Variants in ST6GAL1 observed in about 807,000 individuals in gnomAD.
ST6GAL1 encodes the protein ST6 beta-galactoside alpha-2,6-sialyltransferase 1.
ST6GAL1 carries 20 observed loss-of-function variants against 38.0 expected under a neutral mutation model. That is an observed-to-expected ratio of 0.53 (90% CI 0.37 to 0.77). ST6GAL1 has a LOEUF of 0.77. ST6GAL1 is among the 30% of genes least tolerant of loss of function. The probability of loss-of-function intolerance (pLI) is 0.00; values close to 1 mark genes in which losing one functional copy is unlikely to be tolerated. For missense variants in ST6GAL1, 432 were observed against 496.4 expected, an observed-to-expected ratio of 0.87 and a Z score of 1.23; for synonymous variants, 196 against 188.2, an observed-to-expected ratio of 1.04 and a Z score of -0.34.
intron 1 of ST6GAL1, among the ~76,000 whole-genome samples, chr3:186,938,232 A>T (rs1714033717): frequency 6.6e-6 from 1 of 152,226 alleles, no homozygotes; most frequent in African/African-American, 2.4e-5. Flanking sequence ...AATTACCTAT[A>T]AAGTCTTAAA....
Position 187,058,351 on chromosome 3 carries a change from A to T in ST6GAL1, c.705+7005A>T, listed in dbSNP as rs116816232. On this transcript the variant is annotated intron_variant, in intron 5 of 7. Transcript: ENST00000169298. ...TATGAACCAGGTACGTCAGTTGGAA[A>T]AGCAGAAATCACCCGTCTTGTTTGT... Among the ~76,000 whole-genome samples the T allele has an allele frequency of 2.9e-3, 447 of 152,248 alleles. 3 individuals are homozygous for T. The highest frequency in any genetic ancestry group is 0.01 in the African/African-American group (433 of 41,526).
intron 6 of ST6GAL1, among the ~76,000 whole-genome samples, 174 bp downstream of exon 6, chr3:187,073,121 C>T (rs897847035): frequency 4.6e-5 from 7 of 152,196 alleles, no homozygotes; most frequent in Admixed American, 4.6e-4. Flanking sequence ...TATTCCTGTC[C>T]TATACCAGCT....
At chr3:186,946,601 C>A (rs1714379933) in intron 1 of ST6GAL1, among the ~76,000 whole-genome samples, 1 of 152,192 alleles carries the variant, frequency 6.6e-6, no homozygotes, top group Admixed American at 6.5e-5. Context: ...TGCTTTCTTC[C>A]ATCTTTCACA....
chr3:186,963,734 A>G (rs747082383), intron 1 of ST6GAL1, 51 bp from the exon 2 acceptor site: 1 of 152,246 alleles, frequency 6.6e-6, no homozygotes, highest in African/African-American at 2.4e-5. Flanking sequence ...GTATTAACGT[A>G]TGTGCTTCTG....
intron 1 of ST6GAL1, among the ~76,000 whole-genome samples, chr3:186,958,877 T>C (rs931407255): frequency 7.4e-5 from 11 of 147,914 alleles, no homozygotes; most frequent in African/African-American, 2.8e-4. Flanking sequence ...CGCTTGAACG[T>C]GGGAGGCGGA....
chr3:186,983,328 T>C (rs1040525362), intron 2 of ST6GAL1, among the ~76,000 whole-genome samples: 2 of 152,218 alleles, frequency 1.3e-5, no homozygotes, highest in African/African-American at 4.8e-5. Context: ...TTAATTTGAT[T>C]AGAATATAAT....
At chr3:187,052,764 G>C (rs1312349128) in intron 5 of ST6GAL1, among the ~76,000 whole-genome samples, 1 of 152,190 alleles carries the variant, frequency 6.6e-6, no homozygotes, top group Non-Finnish European at 1.5e-5. Context: ...GCATACGTGT[G>C]CATGTGTCTT....
intron 2 of ST6GAL1, among the ~76,000 whole-genome samples, chr3:186,991,811 AAGTTCCACTG>A (rs1260867321): frequency 6.6e-6 from 1 of 152,092 alleles, no homozygotes; most frequent in East Asian, 1.9e-4. Flanking sequence ...GGGCAGGAAT[AAGTTCCACTG>A]AGCCACAGAG....
Position 187,017,803 on chromosome 3 carries a change from C to T in ST6GAL1, c.-182-20939C>T, listed in dbSNP as rs114649667. Among the ~76,000 whole-genome samples, 817 of 152,272 alleles carry T rather than the reference C, an allele frequency of 5.4e-3. 8 individuals are homozygous for T. The highest frequency in any genetic ancestry group is 0.018 in the African/African-American group (745 of 41,550). The stretch of plus-strand genomic sequence containing the variant: ...ATGGTTGGAAAGAACGGCCGCCTGG[C>T]GCGATCCCCAGCCCTGGAATTCCTG... On this transcript the variant is annotated intron_variant, in intron 2 of 7. Transcript: ENST00000169298.
chr3:186,953,801 C>T (rs1236491559), intron 1 of ST6GAL1, among the ~76,000 whole-genome samples: 2 of 145,470 alleles, frequency 1.4e-5, no homozygotes, highest in Admixed American at 1.4e-4. Context: ...GAAACTGAGA[C>T]ACAGAGAGGT....
At chr3:187,053,751 CT>C (rs1718594029) in intron 5 of ST6GAL1, among the ~76,000 whole-genome samples, 1 of 150,152 alleles carries the variant, frequency 6.7e-6, no homozygotes, top group Admixed American at 6.6e-5. Flanking sequence ...CAGCTTTGTT[CT>C]TTTGGATTAG....
chr3:187,024,648 T>A (rs1185444464), intron 2 of ST6GAL1: 1 of 151,778 alleles, frequency 6.6e-6, no homozygotes, highest in Non-Finnish European at 1.5e-5. Context: ...AGGAGAACAT[T>A]AAACAACACC....
intron 5 of ST6GAL1, chr3:187,064,508 T>C (rs935632914): frequency 4.4e-6 from 2 of 456,524 alleles, no homozygotes; most frequent in African/African-American, 2.0e-5. Flanking sequence ...TTTTTTCCCA[T>C]TACACTTCTA....
At chr3:187,006,583 C>T (rs1716794462) in intron 2 of ST6GAL1, 1 of 152,154 alleles carries the variant, frequency 6.6e-6, no homozygotes, top group East Asian at 1.9e-4. Context: ...CTCACTTAAT[C>T]TTCATAATAA....
chr3:186,996,592 G>A (rs369489370), intron 2 of ST6GAL1: 1 of 152,296 alleles, frequency 6.6e-6, no homozygotes, highest in African/African-American at 2.4e-5. Flanking sequence ...TGCTTGAGTG[G>A]ATCATGGGTG....
At chr3:187,063,705 C>T (rs1470868334) in intron 5 of ST6GAL1, among the ~76,000 whole-genome samples, 1 of 148,768 alleles carries the variant, frequency 6.7e-6, no homozygotes, top group Non-Finnish European at 1.5e-5. Context: ...AGAACGAAAC[C>T]CCAGTCCTGC....
chr3:187,066,767 G>A (rs983944466), intron 5 of ST6GAL1, among the ~76,000 whole-genome samples: 28 of 151,978 alleles, frequency 1.8e-4, no homozygotes, highest in Non-Finnish European at 3.8e-4. Flanking sequence ...GTTCCCCAGG[G>A]CTCTGCTGCT....
chr3:187,016,251 A>G (rs894476569), intron 2 of ST6GAL1, among the ~76,000 whole-genome samples: 25 of 152,344 alleles, frequency 1.6e-4, no homozygotes, highest in African/African-American at 5.8e-4. Flanking sequence ...GATGCCAGCC[A>G]GACATTCTAT....
At chr3:186,950,352 A>G (rs9290842) in intron 1 of ST6GAL1, among the ~76,000 whole-genome samples, 149,903 of 152,262 alleles carry the variant, frequency 0.98, 73,811 homozygotes, top group East Asian at 1. Context: ...GTCTGCAGTC[A>G]TTTTCCAGCA....
Sources: allele counts gnomAD v4.1 joint callset (sites outside exome capture counted in the v4.1 genomes callset), GRCh38; gene constraint gnomAD v4.1.1; transcripts MANE v1.5; gene names NCBI Gene and HGNC (gene_info 2026-07-23, HGNC 2026-07-21).